Variants in CHN2 observed in about 807,000 individuals in gnomAD.
CHN2 encodes the protein beta-chimaerin.
Under a neutral mutation model 56.3 loss-of-function variants are expected in CHN2, and 35 were observed. The observed-to-expected ratio is 0.62, with a 90% CI of 0.47 to 0.82. The LOEUF is 0.82. Among genes scored for constraint, CHN2 ranks in the 40% least tolerant of loss-of-function variants. CHN2 has a pLI of 0.00. For missense variants in CHN2, 491 were observed against 580.5 expected (o/e 0.85, Z 1.58); for synonymous variants, 210 against 212.8 (o/e 0.99, Z 0.12).
At chr7:29,207,423 C>T (rs1784601487) in intron 1 of CHN2, among the ~76,000 whole-genome samples, 1 of 152,198 alleles carries the variant, frequency 6.6e-6, no homozygotes, top group African/African-American at 2.4e-5. Flanking sequence ...TCAGCCTCCA[C>T]TAGATAAATG....
chr7:29,187,667 G>T (rs1291935980), intron 2 of CHN2, among the ~76,000 whole-genome samples: 2 of 152,046 alleles, frequency 1.3e-5, no homozygotes, highest in African/African-American at 4.8e-5. Context: ...GGCAGAGGTT[G>T]CAATGAGCCG....
At position 29,473,477 on chromosome 7, in the gene CHN2, T is replaced by TG. The variant is rs1420820212; in HGVS notation, c.577-6802_577-6801insG. The stretch of plus-strand genomic sequence containing the variant: ...TTGTGTGTGTGTGTTTGTGTTTTTT[T>TG]TTTTTTGTGTGTGTGTGTGTGTGTG... On this transcript the variant is annotated intron_variant, in intron 6 of 12. Transcript: ENST00000222792. Among the ~76,000 whole-genome samples, 689 of 126,190 alleles carry TG rather than the reference T, an allele frequency of 5.5e-3. 11 individuals carry two copies. The highest frequency in any genetic ancestry group is 0.02 in the African/African-American group (650 of 32,522). The allele number at this position is 126,190 out of a possible 152,430, so 82.8% of individuals were successfully genotyped here.
chr7:29,228,446 T>C (rs1786398791), intron 1 of CHN2, among the ~76,000 whole-genome samples: 1 of 152,240 alleles, frequency 6.6e-6, no homozygotes, highest in Admixed American at 6.5e-5. Context: ...CTGTCTAGGT[T>C]TGTGTAAGCA....
intron 1 of CHN2, among the ~76,000 whole-genome samples, chr7:29,289,749 A>G (rs1409295442): frequency 2.0e-5 from 3 of 152,220 alleles, no homozygotes; most frequent in Non-Finnish European, 4.4e-5. Flanking sequence ...GACTTTGCCT[A>G]TCAACGCCGC....
intron 6 of CHN2, among the ~76,000 whole-genome samples, chr7:29,409,490 G>A (rs1802991632): frequency 6.6e-6 from 1 of 152,092 alleles, no homozygotes; most frequent in Non-Finnish European, 1.5e-5. Flanking sequence ...AATCTCTTTA[G>A]TGTCTGGCTT....
chr7:29,424,209 AGTTTTT>A (rs1804620157), intron 6 of CHN2, among the ~76,000 whole-genome samples: 1 of 152,098 alleles, frequency 6.6e-6, no homozygotes, highest in South Asian at 2.1e-4. Context: ...CTACAGAAAT[AGTTTTT>A]AAATTAGTTC....
At chr7:29,175,391 GT>G (rs766676924) in intron 2 of CHN2, among the ~76,000 whole-genome samples, 161 of 152,070 alleles carry the variant, frequency 1.1e-3, no homozygotes, top group Non-Finnish European at 1.9e-3. Flanking sequence ...GGCAAGGCTG[GT>G]CTCAAACTCC....
chr7:29,204,729 T>C (rs1343374564), intron 1 of CHN2, among the ~76,000 whole-genome samples: 1 of 152,198 alleles, frequency 6.6e-6, no homozygotes, highest in African/African-American at 2.4e-5. Context: ...GATGTTAATA[T>C]GCCCTAGGGT....
intron 1 of CHN2, among the ~76,000 whole-genome samples, chr7:29,259,516 T>C (rs748363843): frequency 2.0e-5 from 3 of 152,070 alleles, no homozygotes; most frequent in Admixed American, 1.3e-4. Flanking sequence ...GTATATTCAT[T>C]ATATATTCAC....
chr7:29,318,898 G>A (rs1410675392), intron 1 of CHN2, among the ~76,000 whole-genome samples: 2 of 152,128 alleles, frequency 1.3e-5, no homozygotes, highest in African/African-American at 4.8e-5. Flanking sequence ...AATTTGTTTA[G>A]CTTGACTCTT....
At chr7:29,335,243 A>G (rs914422870) in intron 1 of CHN2, among the ~76,000 whole-genome samples, 1 of 152,230 alleles carries the variant, frequency 6.6e-6, no homozygotes, top group Non-Finnish European at 1.5e-5. Context: ...GCCTATTGCA[A>G]TATAACAGAT....
chr7:29,220,174 AG>A (rs1474781135), intron 1 of CHN2, among the ~76,000 whole-genome samples: 10 of 151,902 alleles, frequency 6.6e-5, no homozygotes, highest in African/African-American at 2.4e-4. Flanking sequence ...TTAAACCCAA[AG>A]ATGGTAATTG....
chr7:29,479,835 G>C, intron 6 of CHN2: 1 of 1,292,652 alleles, frequency 7.7e-7, no homozygotes, highest in South Asian at 1.7e-5. Flanking sequence ...ACTGGATACC[G>C]CTTCTGGGGG....
chr7:29,320,313 C>A (rs1283336397), intron 1 of CHN2, among the ~76,000 whole-genome samples: 1 of 152,112 alleles, frequency 6.6e-6, no homozygotes, highest in Admixed American at 6.5e-5. Context: ...TTTTTGCAGT[C>A]TCTGTCTCAA....
At chr7:29,498,453 TG>T (rs1392224293) in intron 8 of CHN2, among the ~76,000 whole-genome samples, 1 of 152,242 alleles carries the variant, frequency 6.6e-6, no homozygotes, top group Non-Finnish European at 1.5e-5. Flanking sequence ...GAACTGTTTT[TG>T]TTTTTTTTAT....
intron 1 of CHN2, among the ~76,000 whole-genome samples, chr7:29,298,887 A>G (rs1163079584): frequency 1.3e-5 from 2 of 152,166 alleles, no homozygotes; most frequent in Non-Finnish European, 2.9e-5. Context: ...AAAAAAAATT[A>G]TGATAGGACT....
intron 3 of CHN2, among the ~76,000 whole-genome samples, chr7:29,381,061 A>G (rs1800458626): frequency 6.6e-6 from 1 of 152,218 alleles, no homozygotes. Context: ...ACATAAGATT[A>G]GATGTGAAGA....
intron 1 of CHN2, among the ~76,000 whole-genome samples, chr7:29,331,828 G>A (rs927159865): frequency 1.3e-5 from 2 of 152,068 alleles, no homozygotes; most frequent in African/African-American, 2.4e-5. Context: ...TTGGGAGGCC[G>A]AGGTGGGTGG....
At chr7:29,424,148 A>G (rs1804614132) in intron 6 of CHN2, among the ~76,000 whole-genome samples, 1 of 152,234 alleles carries the variant, frequency 6.6e-6, no homozygotes. Context: ...GTCCTAAAGA[A>G]GAAGTTATTT....
Sources: gnomAD v4.1 joint callset for allele counts (sites outside exome capture counted in the v4.1 genomes callset) on GRCh38, gnomAD v4.1.1 for gene constraint, MANE v1.5 for transcripts, NCBI Gene and HGNC (gene_info 2026-07-23, HGNC 2026-07-21) for gene names.